SDK1: variants seen among roughly 807,000 people sequenced by gnomAD.
SDK1 encodes protein sidekick-1.
In SDK1, 157 loss-of-function variants were observed where a neutral mutation model predicts 245.5. That is an observed-to-expected ratio of 0.64 (90% CI 0.56 to 0.73). SDK1 has a LOEUF of 0.73. Ranked by LOEUF, SDK1 falls within the 30% of genes least tolerant of loss-of-function variation. SDK1 has a pLI of 0.00. For synonymous variants in SDK1, 1,647 were observed against 1,278.5 expected (o/e 1.29, Z -6.15); for missense variants, 3,583 against 3,002.3 (o/e 1.19, Z -4.52).
At chr7:3,334,942 C>A (rs930388808) in intron 1 of SDK1, among the ~76,000 whole-genome samples, 3 of 152,282 alleles carry the variant, frequency 2.0e-5, no homozygotes, top group Admixed American at 6.5e-5. Context: ...ATCATTTACC[C>A]AGTAACTCAG....
intron 1 of SDK1, among the ~76,000 whole-genome samples, chr7:3,362,189 C>CTA (rs1459733048): frequency 2.0e-5 from 3 of 152,138 alleles, no homozygotes; most frequent in African/African-American, 7.2e-5. Context: ...TGGGAGAACC[C>CTA]TATATATCCC....
chr7:3,342,620 A>C (rs968739578), intron 1 of SDK1, among the ~76,000 whole-genome samples: 1 of 152,184 alleles, frequency 6.6e-6, no homozygotes, highest in South Asian at 2.1e-4. Flanking sequence ...AAGTCTTCAG[A>C]ATCCAGAACT....
In SDK1 at chr7:3,974,197, A is replaced by G. The variant is rs534767773; in HGVS notation, c.1818-172A>G. 9.9e-5 allele frequency among the ~76,000 whole-genome samples: 15 copies of G among 151,744 alleles called. No individual in the cohort carries two copies. In the East Asian group the frequency reaches 1.9e-3, roughly 20 times the overall value. ...AGACTCTGTCTCAAAAAAAAAAAAA[A>G]AAAGAAAGAAAGAAAAAGAAAAGAA... On this transcript the variant is annotated intron_variant, in intron 12 of 44. Transcript: ENST00000404826.
At position 4,268,297 on chromosome 7, in the gene SDK1, G is replaced by C; in HGVS notation, c.*2913G>C. ...TGGGTGTGCAGAGCTCCCTCCTCCTGGGGTGCCAGGGCAGAGATTCCAGGC... is the reference window on the plus strand; with the variant it reads ...TGGGTGTGCAGAGCTCCCTCCTCCTCGGGTGCCAGGGCAGAGATTCCAGGC... On this transcript the variant is annotated 3_prime_UTR_variant, in exon 45 of 45. Transcript: ENST00000404826. 9.7e-7 allele frequency: 1 copy of C among 1,026,484 alleles called. No individual in the cohort carries two copies. Among genetic ancestry groups the C allele is most frequent in the Non-Finnish European group, 1.2e-6 (1 of 854,262 alleles). 63.6% of individuals were successfully genotyped at this position (1,026,484 alleles called of 1,614,324 possible).
At chr7:4,160,438 G>A (rs1781041767) in intron 31 of SDK1, among the ~76,000 whole-genome samples, 2 of 152,150 alleles carry the variant, frequency 1.3e-5, no homozygotes, top group Non-Finnish European at 2.9e-5. Context: ...TATTCAGATT[G>A]GGCTTTGATG....
intron 11 of SDK1, among the ~76,000 whole-genome samples, chr7:3,970,676 A>G (rs1398741199): frequency 2.0e-5 from 3 of 152,236 alleles, no homozygotes; most frequent in Admixed American, 6.5e-5. Flanking sequence ...GACTGGGATA[A>G]CGCTTTGGTG....
chr7:3,754,948 G>T (rs113038712), intron 4 of SDK1, among the ~76,000 whole-genome samples: 42 of 152,206 alleles, frequency 2.8e-4, no homozygotes, highest in African/African-American at 9.9e-4. Context: ...TACTGATTAC[G>T]TCTCACTTGG....
intron 41 of SDK1, among the ~76,000 whole-genome samples, chr7:4,236,407 T>C (rs1395867661): frequency 2.0e-5 from 3 of 151,680 alleles, no homozygotes; most frequent in Non-Finnish European, 4.4e-5. Flanking sequence ...CATGCATTTT[T>C]TTCTATTGAT....
At chr7:3,674,690 C>G (rs935940365) in intron 4 of SDK1, among the ~76,000 whole-genome samples, 6 of 152,146 alleles carry the variant, frequency 3.9e-5, no homozygotes, top group Non-Finnish European at 1.5e-5. Flanking sequence ...ATAACTGGCT[C>G]TTGGCAGGGA....
chr7:4,099,319 A>G (rs1782385981), intron 22 of SDK1, among the ~76,000 whole-genome samples: 1 of 150,178 alleles, frequency 6.7e-6, no homozygotes, highest in Admixed American at 6.7e-5. Context: ...TCCCAAGGGG[A>G]GGGGGCAGGG....
chr7:3,714,944 G>A (rs1785156825), intron 4 of SDK1, among the ~76,000 whole-genome samples: 1 of 152,112 alleles, frequency 6.6e-6, no homozygotes, highest in South Asian at 2.1e-4. Flanking sequence ...TAGATTGATG[G>A]TAATTCTCAT....
chr7:3,471,050 G>C (rs973249575), intron 1 of SDK1, among the ~76,000 whole-genome samples: 1 of 152,100 alleles, frequency 6.6e-6, no homozygotes, highest in Non-Finnish European at 1.5e-5. Flanking sequence ...TCAGCATCTG[G>C]CAATTATTTT....
intron 4 of SDK1, among the ~76,000 whole-genome samples, chr7:3,769,021 G>GT (rs1780333741): frequency 6.6e-6 from 1 of 152,154 alleles, no homozygotes; most frequent in African/African-American, 2.4e-5. Context: ...ATTATGCCAC[G>GT]TTCTCTTGGT....
Position 4,051,675 on chromosome 7 carries a change from C to G in SDK1, c.2756C>G (p.Thr919Ser), listed in dbSNP as rs557858270. Residue 919 changes from threonine to serine, a missense_variant, in exon 19 of 45, where the codon ACT becomes AGT. By Grantham distance (58) the Thr-to-Ser change is moderately conservative (BLOSUM62 1). Transcript: ENST00000404826. ...CCGGCAGATGCCCCCGAGGCTGTCA[C>G]TGTGGTCACTATTGCCCCAGATTTC... The part of the protein sequence containing the change: ...AWPADAPEAV[T>S]VVTIAPDFHG... The G allele has an allele frequency of 2.1e-5, 34 of 1,613,266 alleles. No homozygotes were observed. The Admixed American group carries it at 5.7e-4, about 27-fold the overall frequency.
At chr7:3,821,273 A>T (rs1273042881) in intron 4 of SDK1, among the ~76,000 whole-genome samples, 177 bp from the exon 5 acceptor site, 1 of 152,296 alleles carries the variant, frequency 6.6e-6, no homozygotes, top group South Asian at 2.1e-4. Flanking sequence ...GCTGGATCAG[A>T]AGAGGCTCTC....
chr7:3,807,525 A>G (rs1447069669), intron 4 of SDK1, among the ~76,000 whole-genome samples: 1 of 152,176 alleles, frequency 6.6e-6, no homozygotes. Flanking sequence ...CAGTGGGGGT[A>G]TCTGATTGGA....
chr7:3,662,842 C>T (rs1420576419), intron 4 of SDK1, among the ~76,000 whole-genome samples: 1 of 152,138 alleles, frequency 6.6e-6, no homozygotes, highest in Non-Finnish European at 1.5e-5. Context: ...ATTTTGGATT[C>T]GGATTTCAGA....
chr7:4,071,941 C>T (rs1277132789), intron 20 of SDK1, among the ~76,000 whole-genome samples: 8 of 152,312 alleles, frequency 5.3e-5, no homozygotes, highest in Admixed American at 5.2e-4. Flanking sequence ...TTAGCCCCTG[C>T]CCTGCCCTTT....
intron 3 of SDK1, 76 bp from the exon 4 acceptor site, chr7:3,641,882 C>T (rs2293678): frequency 8.2e-7 from 1 of 1,215,184 alleles, no homozygotes; most frequent in East Asian, 2.3e-5. Context: ...GTAACACTTA[C>T]CTGTTTCCAT....
Sources: allele counts gnomAD v4.1 joint callset (sites outside exome capture counted in the v4.1 genomes callset), GRCh38; gene constraint gnomAD v4.1.1; transcripts MANE v1.5; gene names NCBI Gene and HGNC (gene_info 2026-07-23, HGNC 2026-07-21).